Variants in EYS observed in about 807,000 individuals in gnomAD.
EYS encodes protein eyes shut homolog.
In EYS, 250 loss-of-function variants were observed where a neutral mutation model predicts 282.1. That is an observed-to-expected ratio of 0.89 (90% confidence interval 0.80 to 0.98). The LOEUF (loss-of-function observed/expected upper bound fraction) is 0.98, where lower values mean the gene tolerates loss of function less well. Among genes scored for constraint, EYS ranks in the 50% least tolerant of loss-of-function variants. The probability of loss-of-function intolerance (pLI) is 0.00; values close to 1 mark genes in which losing one functional copy is unlikely to be tolerated. For missense variants in EYS, 4,016 were observed against 3,709.0 expected (o/e 1.08, Z -2.15); for synonymous variants, 1,355 against 1,282.9 (o/e 1.06, Z -1.20).
chr6:64,633,177 C>A (rs1767850833), intron 22 of EYS, among the ~76,000 whole-genome samples: 1 of 152,020 alleles, frequency 6.6e-6, no homozygotes, highest in Admixed American at 6.6e-5. Context: ...GTAACATAAA[C>A]CAAAGTTTCC....
intron 31 of EYS, among the ~76,000 whole-genome samples, chr6:64,109,921 A>T (rs2150265545): frequency 6.6e-6 from 1 of 152,182 alleles, no homozygotes; most frequent in Non-Finnish European, 1.5e-5. Context: ...AAAGTTTGAA[A>T]GTTCATATTG....
intron 30 of EYS, among the ~76,000 whole-genome samples, chr6:64,301,182 T>A (rs939265202): frequency 2.0e-5 from 3 of 152,212 alleles, no homozygotes; most frequent in Admixed American, 6.5e-5. Flanking sequence ...AATTAAATAC[T>A]AAAAACTTAC....
intron 29 of EYS, among the ~76,000 whole-genome samples, chr6:64,378,223 T>A (rs1177099666): frequency 6.6e-6 from 1 of 152,188 alleles, no homozygotes; most frequent in Non-Finnish European, 1.5e-5. Flanking sequence ...GAAAATAATT[T>A]TTGTTTTCTT....
At chr6:63,770,933 TC>T (rs1562018384) in intron 40 of EYS, among the ~76,000 whole-genome samples, 1 of 152,180 alleles carries the variant, frequency 6.6e-6, no homozygotes, top group African/African-American at 2.4e-5. Flanking sequence ...GGCCTTCCTT[TC>T]TTTGCTGGTG....
intron 33 of EYS, among the ~76,000 whole-genome samples, chr6:64,031,054 TG>T (rs1343153157): frequency 1.3e-5 from 2 of 152,224 alleles, no homozygotes; most frequent in East Asian, 3.9e-4. Flanking sequence ...GCTCCCACTT[TG>T]GCAGCACATG....
chr6:65,677,830 G>T (rs921658645), intron 1 of EYS, among the ~76,000 whole-genome samples: 1 of 151,964 alleles, frequency 6.6e-6, no homozygotes, highest in African/African-American at 2.4e-5. Context: ...CATGATACAG[G>T]CATAAAGGCA....
chr6:65,617,862 T>A (rs568241360), intron 2 of EYS, among the ~76,000 whole-genome samples: 14 of 152,188 alleles, frequency 9.2e-5, no homozygotes, highest in Admixed American at 7.2e-4. Context: ...TTCATCCATG[T>A]CCCTACAAAG....
At chr6:65,276,213 T>C (rs953584275) in intron 12 of EYS, among the ~76,000 whole-genome samples, 2 of 152,160 alleles carry the variant, frequency 1.3e-5, no homozygotes, top group Admixed American at 6.5e-5. Context: ...AGGCTGTATA[T>C]GCTCTAAATC....
intron 27 of EYS, among the ~76,000 whole-genome samples, chr6:64,436,825 C>G (rs1487741767): frequency 6.6e-6 from 1 of 151,614 alleles, no homozygotes; most frequent in Non-Finnish European, 1.5e-5. Context: ...ACCAAGTATC[C>G]CCAGGAAATA....
Position 64,677,730 on chromosome 6 carries a change from T to C in EYS, c.3444-51485A>G, listed in dbSNP as rs536081871. 6.1e-4 allele frequency among the ~76,000 whole-genome samples: 93 copies of C among 152,134 alleles called. 2 individuals are homozygous for C. Among genetic ancestry groups the C allele is most frequent in the Admixed American group, 1.2e-3 (18 of 15,296 alleles). On this transcript the variant is annotated intron_variant, in intron 22 of 42. Coordinates refer to ENST00000503581, the MANE Select transcript of EYS (RefSeq NM_001142800.2). ...TCTGTAAAAATCAACTATTTAGTTA[T>C]AAATTTTAAAAAAATGTCTAATTCT... is the stretch of plus-strand genomic sequence containing the variant.
chr6:64,018,360 G>GT (rs145822363), intron 33 of EYS, among the ~76,000 whole-genome samples: 3,181 of 152,134 alleles, frequency 0.021, 92 homozygotes, highest in African/African-American at 0.062. Flanking sequence ...ATATTCAGGG[G>GT]TTTTTTGTTG....
intron 31 of EYS, among the ~76,000 whole-genome samples, chr6:64,174,264 G>A (rs902915080): frequency 6.6e-6 from 1 of 152,186 alleles, no homozygotes; most frequent in Admixed American, 6.5e-5. Flanking sequence ...AGATGTAGGT[G>A]AATTTCTTGT....
intron 31 of EYS, among the ~76,000 whole-genome samples, chr6:64,091,710 C>T (rs1042539908): frequency 2.6e-5 from 4 of 152,022 alleles, no homozygotes; most frequent in Non-Finnish European, 4.4e-5. Context: ...TTAATTAATT[C>T]TTAAAATATA....
intron 19 of EYS, among the ~76,000 whole-genome samples, chr6:64,874,067 A>G (rs1034073706): frequency 7.9e-5 from 12 of 152,058 alleles, no homozygotes; most frequent in Admixed American, 4.6e-4. Context: ...AAATTTGACC[A>G]GTTTGTATGA....
chr6:64,427,615 T>G (rs1007755713), intron 28 of EYS, among the ~76,000 whole-genome samples: 1 of 152,104 alleles, frequency 6.6e-6, no homozygotes, highest in African/African-American at 2.4e-5. Flanking sequence ...AGATTTGATG[T>G]AAACAAAAAT....
chr6:64,878,775 A>G (rs925519109), intron 19 of EYS, among the ~76,000 whole-genome samples: 1 of 151,854 alleles, frequency 6.6e-6, no homozygotes, highest in Non-Finnish European at 1.5e-5. Flanking sequence ...TTTTAACAAG[A>G]GTCAAAATTG....
intron 22 of EYS, among the ~76,000 whole-genome samples, chr6:64,657,220 C>T (rs1474125228): frequency 6.6e-6 from 1 of 152,128 alleles, no homozygotes; most frequent in African/African-American, 2.4e-5. Context: ...GATCTTCCTC[C>T]ATCCCTTTAT....
intron 33 of EYS, among the ~76,000 whole-genome samples, chr6:64,018,928 T>C (rs1442404783): frequency 1.3e-5 from 2 of 151,612 alleles, no homozygotes; most frequent in African/African-American, 4.8e-5. Context: ...GCGCATGCCA[T>C]CATGCCTGGT....
intron 33 of EYS, among the ~76,000 whole-genome samples, chr6:64,064,454 G>A (rs1188649253): frequency 1.3e-5 from 2 of 151,962 alleles, no homozygotes; most frequent in East Asian, 3.9e-4. Flanking sequence ...ATAGTCCTAG[G>A]GTCAGCCTAC....
Sources: allele counts gnomAD v4.1 joint callset (sites outside exome capture counted in the v4.1 genomes callset), GRCh38; gene constraint gnomAD v4.1.1; transcripts MANE v1.5; gene names NCBI Gene and HGNC (gene_info 2026-07-23, HGNC 2026-07-21).